The following PNPLA1 variants were observed in gnomAD, a reference collection of about 807,000 sequenced individuals.
PNPLA1 encodes omega-hydroxyceramide transacylase.
A neutral mutation model predicts 51.7 loss-of-function variants in PNPLA1; 36 were observed. The ratio of observed to expected loss-of-function variants is 0.70; its 90% CI spans 0.53 to 0.92. PNPLA1 has a LOEUF of 0.92. Among genes scored for constraint, PNPLA1 ranks in the 40% least tolerant of loss-of-function variants. The pLI, the probability that PNPLA1 is intolerant of heterozygous loss-of-function variation, is 0.00. For synonymous variants in PNPLA1, 293 were observed against 280.1 expected, an observed-to-expected ratio of 1.05 and a Z score of -0.46; for missense variants, 658 against 682.5, an observed-to-expected ratio of 0.96 and a Z score of 0.40.
chr6:36,280,472 G>A (rs533547551), intron 1 of PNPLA1, among the ~76,000 whole-genome samples: 3 of 152,162 alleles, frequency 2.0e-5, no homozygotes, highest in Non-Finnish European at 4.4e-5. Flanking sequence ...ATACAGATTT[G>A]GGTCTTTCAT....
intron 5 of PNPLA1, among the ~76,000 whole-genome samples, chr6:36,298,770 G>A (rs1411605426): frequency 3.9e-5 from 6 of 152,282 alleles, no homozygotes; most frequent in Admixed American, 6.5e-5. Context: ...ACGGAGTCTC[G>A]CTCTGTTGTC....
chr6:36,247,753 A>G (rs1189001179), intron 1 of PNPLA1, among the ~76,000 whole-genome samples: 3 of 152,188 alleles, frequency 2.0e-5, no homozygotes, highest in Non-Finnish European at 4.4e-5. Flanking sequence ...TTTCCTAATT[A>G]GCTCCTTTTG....
chr6:36,291,576 AGGGAC>A, intron 2 of PNPLA1, 24 bp downstream of exon 2: 1 of 59,526 alleles, frequency 1.7e-5, no homozygotes, highest in South Asian at 1.3e-4. Context: ...GCTGGGAGGG[AGGGAC>A]ACGGAGGGGG....
At chr6:36,285,250 GC>G (rs1770450168) in intron 1 of PNPLA1, among the ~76,000 whole-genome samples, 1 of 152,138 alleles carries the variant, frequency 6.6e-6, no homozygotes, top group Non-Finnish European at 1.5e-5. Flanking sequence ...GGGCTGCTGC[GC>G]CCCCTGCTTC....
intron 6 of PNPLA1, among the ~76,000 whole-genome samples, chr6:36,304,929 C>A (rs933235): frequency 0.12 from 18,967 of 152,064 alleles, 1,217 homozygotes; most frequent in Non-Finnish European, 0.16. Flanking sequence ...GCTGGGGACA[C>A]TGAAAAATAT....
intron 5 of PNPLA1, among the ~76,000 whole-genome samples, chr6:36,299,491 C>T (rs371206471): frequency 6.6e-6 from 1 of 152,130 alleles, no homozygotes; most frequent in African/African-American, 2.4e-5. Context: ...CCCGCTACCA[C>T]GCCCAGCTAA....
intron 1 of PNPLA1, among the ~76,000 whole-genome samples, chr6:36,275,989 C>T (rs977248781): frequency 7.5e-6 from 1 of 133,996 alleles, no homozygotes; most frequent in Non-Finnish European, 1.6e-5. Flanking sequence ...GACAGAGTCT[C>T]GCTCTGTTGC....
Position 36,313,715 on chromosome 6 carries a change from G to C in PNPLA1, c.*1829G>C, listed in dbSNP as rs759418592. Among the ~76,000 whole-genome samples, 1 of 152,206 alleles carries C rather than the reference G, an allele frequency of 6.6e-6. No homozygotes were observed. The highest frequency in any genetic ancestry group is 1.5e-5 in the Non-Finnish European group (1 of 68,034). On this transcript the variant is annotated 3_prime_UTR_variant, in exon 9 of 9. Coordinates refer to ENST00000636260, the MANE Select transcript of PNPLA1 (RefSeq NM_001374623.1). The stretch of plus-strand genomic sequence containing the variant: ...GGAGACTGACTAGAGAGGCCCGCCC[G>C]GCCGCAGGCCTTTCTTCCAGGAGTG...
intron 1 of PNPLA1, among the ~76,000 whole-genome samples, chr6:36,258,635 G>A (rs1247563297): frequency 6.6e-6 from 1 of 152,110 alleles, no homozygotes; most frequent in Non-Finnish European, 1.5e-5. Flanking sequence ...GAATTCCCCA[G>A]CAGGTTTATT....
At chr6:36,303,252 G>C (rs1018644242) in intron 6 of PNPLA1, among the ~76,000 whole-genome samples, 1 of 151,968 alleles carries the variant, frequency 6.6e-6, no homozygotes, top group Non-Finnish European at 1.5e-5. Context: ...CCGCCACCAC[G>C]CCTGGCTAAT....
At chr6:36,272,864 GTATAA>G (rs1769962559) in intron 1 of PNPLA1, among the ~76,000 whole-genome samples, 1 of 152,122 alleles carries the variant, frequency 6.6e-6, no homozygotes, top group Non-Finnish European at 1.5e-5. Flanking sequence ...TACCTCTAAT[GTATAA>G]TATAATTTTT....
chr6:36,281,201 T>A (rs1480477783), intron 1 of PNPLA1, among the ~76,000 whole-genome samples: 1 of 152,198 alleles, frequency 6.6e-6, no homozygotes, highest in Non-Finnish European at 1.5e-5. Context: ...CTCCATTTTT[T>A]CCTGTTGCAG....
intron 5 of PNPLA1, among the ~76,000 whole-genome samples, chr6:36,296,414 T>C (rs1291334769): frequency 6.6e-6 from 1 of 152,252 alleles, no homozygotes; most frequent in African/African-American, 2.4e-5. Context: ...TTTGTGACTG[T>C]CTTTTTTGGC....
chr6:36,272,507 G>A (rs933775553), intron 1 of PNPLA1, among the ~76,000 whole-genome samples: 15 of 152,212 alleles, frequency 9.9e-5, no homozygotes, highest in Admixed American at 8.5e-4. Flanking sequence ...CCTGGTTATA[G>A]GATTGGCTGA....
intron 1 of PNPLA1, among the ~76,000 whole-genome samples, chr6:36,280,406 A>G (rs1306052819): frequency 6.6e-6 from 1 of 152,142 alleles, no homozygotes; most frequent in Non-Finnish European, 1.5e-5. Flanking sequence ...CTTGGGACCA[A>G]TTTTCATGTT....
In PNPLA1 at chr6:36,295,350, G is replaced by A. The variant is rs1354655986; in HGVS notation, c.715-14G>A. The A allele has an allele frequency of 8.1e-6, 13 of 1,614,070 alleles. No individual in the cohort carries two copies. The highest frequency in any genetic ancestry group is 1.0e-5 in the Non-Finnish European group (12 of 1,180,008). On this transcript the variant is annotated splice_polypyrimidine_tract_variant and intron_variant, in intron 4 of 8. Coordinates refer to ENST00000636260, the MANE Select transcript of PNPLA1 (RefSeq NM_001374623.1). ...CCGCAGCCTTGGTAATTCTCCTGGTGCCTCCGCCCACAGATCCTGCACGAT... is the reference window on the plus strand; with the variant it reads ...CCGCAGCCTTGGTAATTCTCCTGGTACCTCCGCCCACAGATCCTGCACGAT...
chr6:36,301,724 A>T, intron 5 of PNPLA1, 137 bp from the exon 6 acceptor site: 1 of 1,221,738 alleles, frequency 8.2e-7, no homozygotes, highest in East Asian at 2.3e-5. Context: ...GTTTTCACTC[A>T]CTGTAAATTC....
rs1206946607 is a variant in PNPLA1 at position 36,280,138 on chromosome 6, G to A, written c.205+9474G>A. On this transcript the variant is annotated intron_variant, in intron 1 of 8. Transcript: ENST00000636260. ...GGAGAATTGTGTGAACCCGGGAGGC[G>A]GCGGTTGCAGTAAACCAATATTGCA... Among the ~76,000 whole-genome samples the A allele has an allele frequency of 2.6e-5, 4 of 152,154 alleles. No homozygotes were observed. The South Asian group carries it at 8.3e-4, about 32-fold the overall frequency.
At position 36,294,357 on chromosome 6, in the gene PNPLA1, C is replaced by A; in HGVS notation, c.672C>A (p.Asn224Lys). ...FNCSFQFSLE[N>K]IARMTHALFP... Reference sequence around the variant, plus strand: ...GCTCCTTCCAGTTCTCCCTGGAGAACATCGCCAGGATGACCCACGCATTGT... The same window carrying A: ...GCTCCTTCCAGTTCTCCCTGGAGAAAATCGCCAGGATGACCCACGCATTGT... The change falls in exon 4 of 9, where the codon AAC (asparagine) becomes AAA (lysine). Residue 224 changes from asparagine (N) to lysine (K), a missense_variant. Coordinates refer to ENST00000636260, the MANE Select transcript of PNPLA1 (RefSeq NM_001374623.1). This position sits in a 1 kb window ranked among gnomAD's most constrained non-coding sequence, Gnocchi z 4.2. 1 of 1,614,200 alleles carries A rather than the reference C, an allele frequency of 6.2e-7. No individual in the cohort carries two copies. Among genetic ancestry groups the A allele is most frequent in the Non-Finnish European group, 8.5e-7 (1 of 1,180,034 alleles).
Sources: allele counts gnomAD v4.1 joint callset (sites outside exome capture counted in the v4.1 genomes callset), GRCh38; gene constraint gnomAD v4.1.1; non-coding constraint Gnocchi (gnomAD v3.1); transcripts MANE v1.5; gene names NCBI Gene and HGNC (gene_info 2026-07-23, HGNC 2026-07-21).